CHODL: variants seen among roughly 807,000 people sequenced by gnomAD.
CHODL encodes the protein chondrolectin.
CHODL carries 29 observed loss-of-function variants against 34.5 expected under a neutral mutation model. The ratio of observed to expected loss-of-function variants is 0.84; its 90% CI spans 0.63 to 1.15. The LOEUF (loss-of-function observed/expected upper bound fraction) is 1.15, where lower values mean the gene tolerates loss of function less well. Among genes scored for constraint, CHODL ranks in the 50% most tolerant of loss-of-function variants. The probability of loss-of-function intolerance (pLI) is 0.00; values close to 1 mark genes in which losing one functional copy is unlikely to be tolerated. For synonymous variants in CHODL, 125 were observed against 116.1 expected (o/e 1.08, Z -0.49); for missense variants, 332 against 332.5 (o/e 1.00, Z 0.01).
At chr21:18,193,501 C>G (rs2073537971) in intron 2 of CHODL, among the ~76,000 whole-genome samples, 1 of 151,838 alleles carries the variant, frequency 6.6e-6, no homozygotes, top group Non-Finnish European at 1.5e-5. Context: ...TGAGACCATC[C>G]TGCCCAACAT....
chr21:18,095,713 T>G (rs979548330), intron 2 of CHODL, among the ~76,000 whole-genome samples: 1 of 152,150 alleles, frequency 6.6e-6, no homozygotes, highest in Non-Finnish European at 1.5e-5. Flanking sequence ...AAGAAAACTG[T>G]AGGCCAATAT....
intron 2 of CHODL, among the ~76,000 whole-genome samples, chr21:18,064,749 C>CT (rs2064710352): frequency 1.3e-5 from 2 of 152,036 alleles, no homozygotes; most frequent in Non-Finnish European, 2.9e-5. Context: ...CTCTCTCTCT[C>CT]CGCACACACA....
intron 1 of CHODL, among the ~76,000 whole-genome samples, chr21:18,250,713 T>C (rs927620521): frequency 1.3e-5 from 2 of 151,932 alleles, no homozygotes; most frequent in African/African-American, 2.4e-5. Context: ...TATGGTAGTA[T>C]CAACATATTT....
intron 1 of CHODL, among the ~76,000 whole-genome samples, chr21:18,248,952 ATATG>A (rs1428093161): frequency 5.4e-5 from 6 of 111,804 alleles, no homozygotes; most frequent in African/African-American, 2.1e-4. Context: ...GTATACATAT[ATATG>A]TAATATATAC....
intron 1 of CHODL, among the ~76,000 whole-genome samples, chr21:17,988,733 A>AT (rs1200431405): frequency 1.3e-5 from 2 of 151,160 alleles, no homozygotes; most frequent in South Asian, 2.1e-4. Context: ...TGAACTCAAC[A>AT]TTTTTTGTGG....
chr21:18,130,581 C>G (rs905076917), intron 2 of CHODL, among the ~76,000 whole-genome samples: 3 of 151,696 alleles, frequency 2.0e-5, no homozygotes, highest in African/African-American at 7.3e-5. Context: ...GTCAAACATT[C>G]AGCACTCAGT....
intron 1 of CHODL, among the ~76,000 whole-genome samples, chr21:17,940,272 T>C (rs1882306135): frequency 6.6e-6 from 1 of 152,182 alleles, no homozygotes; most frequent in South Asian, 2.1e-4. Context: ...TTGTCTATTA[T>C]TCATAACAGG....
intron 2 of CHODL, among the ~76,000 whole-genome samples, chr21:18,030,204 C>T (rs143453337): frequency 1.6e-4 from 24 of 152,274 alleles, no homozygotes; most frequent in East Asian, 7.7e-4. Context: ...CTTCTGTCAT[C>T]GGTGTACGCA....
chr21:18,083,205 G>A (rs2064963261), intron 2 of CHODL, among the ~76,000 whole-genome samples: 2 of 152,222 alleles, frequency 1.3e-5, no homozygotes, highest in Non-Finnish European at 2.9e-5. Flanking sequence ...TTCAGAGGGT[G>A]CAAGCCCCAA....
Position 18,245,034 on chromosome 21 carries a change from G to C in CHODL, c.-190G>C, listed in dbSNP as rs990606565. ...ACTCCAGCCCCGCACATCCACGCGCGGCACAGGCGCGGCAGGCGGCAGGTC... is the reference window on the plus strand; with the variant it reads ...ACTCCAGCCCCGCACATCCACGCGCCGCACAGGCGCGGCAGGCGGCAGGTC... On this transcript the variant is annotated 5_prime_UTR_variant, in exon 1 of 6. Coordinates refer to ENST00000299295, the MANE Select transcript of CHODL (RefSeq NM_024944.3). 2.7e-4 allele frequency: 131 copies of C among 488,750 alleles called. No individual in the cohort carries two copies. The highest frequency in any genetic ancestry group is 2.5e-3 in the African/African-American group (121 of 48,878). 30.3% of individuals were successfully genotyped at this position (488,750 alleles called of 1,614,324 possible).
intron 2 of CHODL, among the ~76,000 whole-genome samples, chr21:18,111,058 A>ATATTC (rs2065345013): frequency 6.6e-6 from 1 of 152,180 alleles, no homozygotes; most frequent in South Asian, 2.1e-4. Context: ...TTAGAGTGTA[A>ATATTC]TATTCTAGAA....
At chr21:17,937,154 C>T (rs983239291) in intron 1 of CHODL, among the ~76,000 whole-genome samples, 12 of 151,002 alleles carry the variant, frequency 7.9e-5, no homozygotes, top group Non-Finnish European at 1.5e-4. Flanking sequence ...TGAAATCAGA[C>T]ACTGGTAAAG....
chr21:18,013,479 CA>C (rs2064038742), intron 1 of CHODL, among the ~76,000 whole-genome samples: 2 of 151,778 alleles, frequency 1.3e-5, no homozygotes, highest in African/African-American at 4.8e-5. Flanking sequence ...AGGTTCTTGC[CA>C]AAATTAGGGG....
At chr21:18,092,981 C>T (rs867688043) in intron 2 of CHODL, among the ~76,000 whole-genome samples, 2 of 152,048 alleles carry the variant, frequency 1.3e-5, no homozygotes, top group African/African-American at 2.4e-5. Flanking sequence ...CATTCAAGTA[C>T]GAGAAGGTTA....
intron 2 of CHODL, among the ~76,000 whole-genome samples, chr21:18,155,136 A>C (rs11700496): frequency 1.9e-4 from 29 of 152,184 alleles, no homozygotes; most frequent in Admixed American, 1.2e-3. Context: ...ACTAGAGGTG[A>C]CTATTTTTTC....
chr21:18,042,689 T>C (rs1342871391), intron 2 of CHODL, among the ~76,000 whole-genome samples: 4 of 151,962 alleles, frequency 2.6e-5, no homozygotes, highest in African/African-American at 9.7e-5. Flanking sequence ...CTCACATCAC[T>C]TGATGTGCAT....
chr21:18,150,843 T>C (rs1383820291), intron 2 of CHODL, among the ~76,000 whole-genome samples: 2 of 152,008 alleles, frequency 1.3e-5, no homozygotes, highest in African/African-American at 4.8e-5. Context: ...CCCAGCACTT[T>C]GGGAGGCCGA....
intron 2 of CHODL, among the ~76,000 whole-genome samples, chr21:18,103,514 A>AT (rs1471809435): frequency 2.0e-5 from 3 of 152,010 alleles, no homozygotes; most frequent in African/African-American, 7.3e-5. Flanking sequence ...ACATTTCATG[A>AT]TTTTTTGGGT....
chr21:18,127,088 T>C (rs1332554375), intron 2 of CHODL, among the ~76,000 whole-genome samples: 1 of 152,142 alleles, frequency 6.6e-6, no homozygotes, highest in Non-Finnish European at 1.5e-5. Flanking sequence ...CAAAGATATG[T>C]ACAGGATATT....
Sources: allele counts gnomAD v4.1 joint callset (sites outside exome capture counted in the v4.1 genomes callset), GRCh38; gene constraint gnomAD v4.1.1; transcripts MANE v1.5; gene names NCBI Gene and HGNC (gene_info 2026-07-23, HGNC 2026-07-21).